The following SPART variants were observed in gnomAD, a reference collection of about 807,000 sequenced individuals.
SPART encodes spartin.
In SPART, 35 loss-of-function variants were observed where a neutral mutation model predicts 58.7. That is an observed-to-expected ratio of 0.60 (90% CI 0.46 to 0.79). SPART has a LOEUF of 0.79. Among genes scored for constraint, SPART ranks in the 30% least tolerant of loss-of-function variants. The pLI, the probability that SPART is intolerant of heterozygous loss-of-function variation, is 0.00. For missense variants in SPART, 730 were observed against 786.1 expected, an observed-to-expected ratio of 0.93 and a Z score of 0.85; for synonymous variants, 284 against 280.7, an observed-to-expected ratio of 1.01 and a Z score of -0.12.
intron 8 of SPART, among the ~76,000 whole-genome samples, chr13:36,307,481 G>T (rs950203818): frequency 1.3e-5 from 2 of 151,866 alleles, no homozygotes; most frequent in African/African-American, 4.8e-5. Context: ...CCATAAAACA[G>T]TAAATTTTCT....
chr13:36,314,054 G>A (rs571386811), intron 6 of SPART, 173 bp downstream of exon 6: 16 of 650,774 alleles, frequency 2.5e-5, no homozygotes, highest in South Asian at 1.2e-4. Context: ...CAGATAGGAC[G>A]ATGTGATGTT....
intron 6 of SPART, among the ~76,000 whole-genome samples, chr13:36,313,422 T>G (rs1881330703): frequency 6.6e-6 from 1 of 152,208 alleles, no homozygotes; most frequent in South Asian, 2.1e-4. Context: ...ATAAATTTAG[T>G]GTGGCCCAAG....
At chr13:36,313,737 T>C (rs1482283926) in intron 6 of SPART, among the ~76,000 whole-genome samples, 1 of 152,350 alleles carries the variant, frequency 6.6e-6, no homozygotes, top group African/African-American at 2.4e-5. Context: ...CTATATCATA[T>C]AGCCTAGGTG....
chr13:36,329,427 T>C lies in SPART; in HGVS notation c.1099A>G (p.Thr367Ala), dbSNP rs2137495740. 1 of 1,614,182 alleles carries C rather than the reference T, an allele frequency of 6.2e-7. No homozygotes were observed. The change falls in exon 4 of 9, where the codon ACT becomes GCT. Residue 367 changes from threonine (T) to alanine (A), a missense_variant. By Grantham distance (58) the Thr-to-Ala change is moderately conservative. Transcript: ENST00000438666. ...CCTTGGTCCAACTGTTTCACATCAGTGCCAGAGGCTTCTTTTAGTTGGTCA... is the reference window on the plus strand; with the variant it reads ...CCTTGGTCCAACTGTTTCACATCAGCGCCAGAGGCTTCTTTTAGTTGGTCA... The part of the protein sequence containing the change: ...SSDQLKEASG[T>A]DVKQLDQGNK...
chr13:36,356,763 A>G (rs1007412267), intron 1 of SPART, among the ~76,000 whole-genome samples: 4 of 152,234 alleles, frequency 2.6e-5, no homozygotes, highest in African/African-American at 9.6e-5. Flanking sequence ...ACGATCACTC[A>G]TATTTGGCTC....
In SPART at chr13:36,302,087, G is replaced by A. The variant is rs893642361; in HGVS notation, c.*2278C>T. On this transcript the variant is annotated 3_prime_UTR_variant, in exon 9 of 9. Coordinates refer to ENST00000438666, the MANE Select transcript of SPART (RefSeq NM_015087.5). ...GAACATACATGTGTGATTAAAAAAT[G>A]GCAAGGAACAATAAAAAATGACATG... 1.3e-5 allele frequency: 2 copies of A among 152,062 alleles called. No homozygotes were observed. Among genetic ancestry groups the A allele is most frequent in the Non-Finnish European group, 1.5e-5 (1 of 68,008 alleles). The allele number at this position is 152,062 out of a possible 1,614,324, so 9.4% of individuals were successfully genotyped here.
intron 8 of SPART, among the ~76,000 whole-genome samples, chr13:36,309,884 G>T (rs1341525168): frequency 6.6e-6 from 1 of 152,090 alleles, no homozygotes; most frequent in African/African-American, 2.4e-5. Context: ...TATAATAATA[G>T]TTGAAATTAT....
intron 1 of SPART, 56 bp from the exon 2 acceptor site, chr13:36,335,888 T>A: frequency 7.6e-7 from 1 of 1,322,620 alleles, no homozygotes; most frequent in Non-Finnish European, 1.1e-6. Flanking sequence ...TACTTATGAT[T>A]CGTATCTCCT....
Position 36,329,415 on chromosome 13 carries a change from G to C in SPART, c.1111C>G (p.Gln371Glu). Residue 371 changes from glutamine (Q) to glutamate (E), a missense_variant, in exon 4 of 9, where the codon CAG (glutamine) becomes GAG (glutamate). Transcript: ENST00000438666. The part of the protein sequence containing the change: ...LKEASGTDVK[Q>E]LDQGNKDVRH... Reference sequence around the variant, plus strand: ...ACATCCTTATTGCCTTGGTCCAACTGTTTCACATCAGTGCCAGAGGCTTCT... The same window carrying C: ...ACATCCTTATTGCCTTGGTCCAACTCTTTCACATCAGTGCCAGAGGCTTCT... 1 of 1,614,088 alleles carries C rather than the reference G, an allele frequency of 6.2e-7. No individual in the cohort carries two copies. The highest frequency in any genetic ancestry group is 8.5e-7 in the Non-Finnish European group (1 of 1,179,996).
chr13:36,357,754 T>C (rs985075217), intron 1 of SPART, among the ~76,000 whole-genome samples: 6 of 152,244 alleles, frequency 3.9e-5, no homozygotes, highest in Admixed American at 2.0e-4. Flanking sequence ...TGGTTCACTG[T>C]ATCATCAGTC....
intron 8 of SPART, among the ~76,000 whole-genome samples, chr13:36,309,192 C>G (rs1239898075): frequency 6.8e-6 from 1 of 146,312 alleles, no homozygotes; most frequent in Admixed American, 7.0e-5. Flanking sequence ...TGCAGTGAGC[C>G]AAGATTGCGC....
intron 1 of SPART, chr13:36,345,526 T>A (rs1185323031): frequency 2.0e-5 from 3 of 152,150 alleles, no homozygotes; most frequent in Non-Finnish European, 4.4e-5. Context: ...AAGGCCAACC[T>A]CGAGGATCCT....
chr13:36,342,757 TC>T (rs1884701203), intron 1 of SPART, among the ~76,000 whole-genome samples: 1 of 152,146 alleles, frequency 6.6e-6, no homozygotes, highest in Non-Finnish European at 1.5e-5. Flanking sequence ...AATGAAGTCT[TC>T]CATGGGACAT....
intron 1 of SPART, among the ~76,000 whole-genome samples, chr13:36,362,103 C>G (rs927249660): frequency 7.2e-5 from 11 of 152,176 alleles, no homozygotes; most frequent in East Asian, 3.9e-4. Context: ...GTAATCCCAG[C>G]ATTTTGGAAG....
chr13:36,348,372 A>C (rs556986667), upstream of SPART, among the ~76,000 whole-genome samples: 1 of 152,392 alleles, frequency 6.6e-6, no homozygotes, highest in African/African-American at 2.4e-5. Context: ...ACATTTAAAT[A>C]GAATTTTTTA....
intron 1 of SPART, among the ~76,000 whole-genome samples, chr13:36,353,245 A>C (rs1885492367): frequency 6.6e-6 from 1 of 152,250 alleles, no homozygotes; most frequent in South Asian, 2.1e-4. Context: ...AATGAGACGA[A>C]GAATGATGCT....
At chr13:36,354,123 T>A (rs1885527566) in intron 1 of SPART, among the ~76,000 whole-genome samples, 1 of 152,226 alleles carries the variant, frequency 6.6e-6, no homozygotes, top group Non-Finnish European at 1.5e-5. Context: ...AAAACCTATG[T>A]CATGTTTTAA....
chr13:36,337,263 C>G (rs887539073), intron 1 of SPART, among the ~76,000 whole-genome samples: 9 of 152,234 alleles, frequency 5.9e-5, no homozygotes, highest in African/African-American at 2.2e-4. Flanking sequence ...TCTGTGCCCC[C>G]TGGGGCATGA....
chr13:36,361,699 C>A (rs1885866617), intron 1 of SPART, among the ~76,000 whole-genome samples: 1 of 152,182 alleles, frequency 6.6e-6, no homozygotes. Flanking sequence ...CTTTGCATCA[C>A]CCTAAAACCG....
Sources: allele counts gnomAD v4.1 joint callset (sites outside exome capture counted in the v4.1 genomes callset), GRCh38; gene constraint gnomAD v4.1.1; transcripts MANE v1.5; gene names NCBI Gene and HGNC (gene_info 2026-07-23, HGNC 2026-07-21).